RPS6KC1: variants seen among roughly 807,000 people sequenced by gnomAD.
The protein encoded by RPS6KC1 is ribosomal protein S6 kinase C1, also known as inactive ribosomal protein S6 kinase delta-1.
Under a neutral mutation model 103.8 loss-of-function variants are expected in RPS6KC1, and 54 were observed. That is an observed-to-expected ratio of 0.52 (90% CI 0.42 to 0.65). The LOEUF is 0.65. RPS6KC1 is among the 30% of genes least tolerant of loss of function. The probability of loss-of-function intolerance (pLI) is 0.00; values close to 1 mark genes in which losing one functional copy is unlikely to be tolerated. For missense variants in RPS6KC1, 1,151 were observed against 1,253.8 expected, an observed-to-expected ratio of 0.92 and a Z score of 1.24; for synonymous variants, 439 against 438.7, an observed-to-expected ratio of 1.00 and a Z score of -0.01.
At chr1:213,775,992 A>G in the RPS6KC1 span, among the ~76,000 whole-genome samples, 393 of 152,306 alleles carry the variant, frequency 2.6e-3, 3 homozygotes, top group African/African-American at 9.0e-3. Flanking sequence ...CTCCTCTTCC[A>G]TTCAAGTATT....
the RPS6KC1 span, among the ~76,000 whole-genome samples, chr1:213,550,640 T>G: frequency 6.6e-6 from 1 of 152,224 alleles, no homozygotes; most frequent in Non-Finnish European, 1.5e-5. Flanking sequence ...ACGCTCATCT[T>G]GGTTAACATT....
At chr1:213,522,455 C>T in the RPS6KC1 span, among the ~76,000 whole-genome samples, 2 of 152,198 alleles carry the variant, frequency 1.3e-5, no homozygotes, top group East Asian at 1.9e-4. Flanking sequence ...AGGTCACCAG[C>T]TGCATTAACC....
At chr1:213,740,543 T>A in the RPS6KC1 span, among the ~76,000 whole-genome samples, 3 of 152,046 alleles carry the variant, frequency 2.0e-5, no homozygotes, top group Non-Finnish European at 4.4e-5. Context: ...CTTGAAGACA[T>A]TCACATCTAA....
chr1:213,825,300 A>G, the RPS6KC1 span, among the ~76,000 whole-genome samples: 1 of 152,326 alleles, frequency 6.6e-6, no homozygotes, highest in South Asian at 2.1e-4. Flanking sequence ...CCAATACTCA[A>G]ACTTTATGTG....
At chr1:213,765,783 A>G in the RPS6KC1 span, among the ~76,000 whole-genome samples, 10 of 152,296 alleles carry the variant, frequency 6.6e-5, no homozygotes, top group African/African-American at 2.4e-4. Flanking sequence ...CAGCTGCACT[A>G]AGAAACTGGA....
intron 12 of RPS6KC1, among the ~76,000 whole-genome samples, chr1:213,250,157 C>T (rs1383527405): frequency 6.6e-6 from 1 of 152,102 alleles, no homozygotes; most frequent in African/African-American, 2.4e-5. Flanking sequence ...GGAAGCGAGG[C>T]TAGAGACTGA....
the RPS6KC1 span, among the ~76,000 whole-genome samples, chr1:213,774,162 A>G: frequency 1.9e-3 from 284 of 152,342 alleles, 1 homozygote; most frequent in African/African-American, 6.4e-3. Flanking sequence ...CATCTTCTAG[A>G]AATAATTTAC....
chr1:213,161,325 C>CTT (rs1320980528), intron 6 of RPS6KC1, among the ~76,000 whole-genome samples: 2 of 145,402 alleles, frequency 1.4e-5, no homozygotes, highest in Admixed American at 6.9e-5. Flanking sequence ...TTGACTCATT[C>CTT]TTTTTTTTTT....
chr1:213,190,815 A>G (rs1351223539), intron 8 of RPS6KC1, among the ~76,000 whole-genome samples: 1 of 152,092 alleles, frequency 6.6e-6, no homozygotes, highest in East Asian at 1.9e-4. Flanking sequence ...TTTTGATTTG[A>G]TTTTTGTGTA....
At chr1:213,057,752 C>CTTTTTTTT (rs869259657) in intron 1 of RPS6KC1, among the ~76,000 whole-genome samples, 51 of 73,704 alleles carry the variant, frequency 6.9e-4, no homozygotes, top group East Asian at 2.4e-3. Context: ...TCTGAAGTAT[C>CTTTTTTTT]TTTTTTTTTT....
In RPS6KC1 at chr1:213,261,548, G is replaced by A. The variant is rs747897814; in HGVS notation, c.2912-10G>A. ...GGAATTTTAATATCAACCTTTTTTG[G>A]TGTGGTTAGAGGTTGGAGCAATCAC... On this transcript the variant is annotated splice_polypyrimidine_tract_variant and intron_variant, in intron 12 of 14. Coordinates refer to ENST00000366960, the MANE Select transcript of RPS6KC1 (RefSeq NM_012424.6). 2 of 1,611,216 alleles carry A rather than the reference G, an allele frequency of 1.2e-6. No homozygotes were observed. Among genetic ancestry groups the A allele is most frequent in the African/African-American group, 1.3e-5 (1 of 74,878 alleles).
chr1:213,494,872 T>C, the RPS6KC1 span, among the ~76,000 whole-genome samples: 3 of 150,912 alleles, frequency 2.0e-5, no homozygotes, highest in African/African-American at 7.3e-5. Context: ...ATAGACATCC[T>C]GAAAAAAAAA....
chr1:213,278,083 T>C (rs1481371862), downstream of RPS6KC1, among the ~76,000 whole-genome samples: 6 of 151,906 alleles, frequency 3.9e-5, no homozygotes, highest in African/African-American at 7.3e-5. Context: ...CACGAACCTA[T>C]AGTCCCAGCT....
intron 6 of RPS6KC1, among the ~76,000 whole-genome samples, chr1:213,166,022 A>G (rs1257727733): frequency 1.3e-5 from 2 of 152,228 alleles, no homozygotes; most frequent in Non-Finnish European, 2.9e-5. Flanking sequence ...AGAAAAACCA[A>G]AAGTTTAAAA....
At chr1:213,453,638 G>A in the RPS6KC1 span, among the ~76,000 whole-genome samples, 15 of 152,322 alleles carry the variant, frequency 9.8e-5, no homozygotes, top group South Asian at 3.1e-3. Context: ...GGAGGTTCAG[G>A]AGCTCAGGAA....
the RPS6KC1 span, among the ~76,000 whole-genome samples, chr1:213,418,034 C>G: frequency 6.6e-6 from 1 of 152,116 alleles, no homozygotes; most frequent in Non-Finnish European, 1.5e-5. Flanking sequence ...GCTCCCCATT[C>G]CCCCCAGCTT....
the RPS6KC1 span, among the ~76,000 whole-genome samples, chr1:213,586,971 C>T: frequency 1.3e-5 from 2 of 152,176 alleles, no homozygotes; most frequent in African/African-American, 4.8e-5. Context: ...TGCCCTAATC[C>T]CCCACGCAAG....
intron 10 of RPS6KC1, among the ~76,000 whole-genome samples, chr1:213,233,822 A>G (rs2094159014): frequency 6.6e-6 from 1 of 152,098 alleles, no homozygotes; most frequent in Non-Finnish European, 1.5e-5. Flanking sequence ...CATGACCATA[A>G]AATTTGTCTC....
At chr1:213,238,659 G>C (rs1285672262) in intron 10 of RPS6KC1, among the ~76,000 whole-genome samples, 1 of 152,172 alleles carries the variant, frequency 6.6e-6, no homozygotes, top group African/African-American at 2.4e-5. Context: ...AGTTTATTCA[G>C]GTGGAATTGG....
Sources: gnomAD v4.1 joint callset for allele counts (sites outside exome capture counted in the v4.1 genomes callset) on GRCh38, gnomAD v4.1.1 for gene constraint, MANE v1.5 for transcripts, NCBI Gene and HGNC (gene_info 2026-07-23, HGNC 2026-07-21) for gene names.